ZRANB3: variants seen among roughly 807,000 people sequenced by gnomAD.
ZRANB3 encodes zinc finger RANBP2-type containing 3.
In ZRANB3, 125 loss-of-function variants were observed where a neutral mutation model predicts 133.8. The observed-to-expected ratio is 0.93, with a 90% CI of 0.81 to 1.08. ZRANB3 has a LOEUF of 1.08. Among genes scored for constraint, ZRANB3 ranks in the 50% least tolerant of loss-of-function variants. The pLI is 0.00. For synonymous variants in ZRANB3, 387 were observed against 432.7 expected, an observed-to-expected ratio of 0.89 and a Z score of 1.31; for missense variants, 1,229 against 1,275.5, an observed-to-expected ratio of 0.96 and a Z score of 0.56.
rs566016249 is a variant in ZRANB3, at chr2:135,230,985, C to T, written c.1540-58G>A. 94 of 1,446,796 alleles carry T rather than the reference C, an allele frequency of 6.5e-5. No homozygotes were observed. In the East Asian group the frequency reaches 1.4e-3, roughly 21 times the overall value. The allele number at this position is 1,446,796 out of a possible 1,614,324, so 89.6% of individuals were successfully genotyped here. On this transcript the variant is annotated intron_variant, in intron 12 of 20. Coordinates refer to ENST00000264159, the MANE Select transcript of ZRANB3 (RefSeq NM_032143.4). ...GAAGCAATCTAATATGTTCTTCTTA[C>T]ATAAAAGAGCTTAACAAAATATTTT...
chr2:135,463,096 AGT>A (rs1210711087), intron 2 of ZRANB3, among the ~76,000 whole-genome samples: 1 of 152,176 alleles, frequency 6.6e-6, no homozygotes, highest in Non-Finnish European at 1.5e-5. Flanking sequence ...AGGAGGCTGA[AGT>A]GGGAGGACAG....
chr2:135,389,171 C>T (rs1405416034), intron 3 of ZRANB3, among the ~76,000 whole-genome samples: 2 of 152,168 alleles, frequency 1.3e-5, no homozygotes, highest in African/African-American at 4.8e-5. Context: ...TTTATTGTTT[C>T]CCAAATGTCT....
chr2:135,297,643 A>T (rs561689758), intron 8 of ZRANB3, among the ~76,000 whole-genome samples: 1 of 152,378 alleles, frequency 6.6e-6, no homozygotes, highest in African/African-American at 2.4e-5. Flanking sequence ...TTGGAAATGC[A>T]GAAATCACCC....
chr2:135,334,749 G>C (rs1391062931), intron 6 of ZRANB3, among the ~76,000 whole-genome samples: 1 of 138,728 alleles, frequency 7.2e-6, no homozygotes, highest in South Asian at 2.4e-4. Context: ...CAAAAATTTA[G>C]CCAGGCATGG....
At chr2:135,243,500 C>T (rs1283790791) in intron 12 of ZRANB3, among the ~76,000 whole-genome samples, 1 of 152,062 alleles carries the variant, frequency 6.6e-6, no homozygotes, top group Non-Finnish European at 1.5e-5. Flanking sequence ...GAGACTCCTT[C>T]TAAAAAAAAT....
chr2:135,286,274 T>A (rs1169429152), intron 8 of ZRANB3, among the ~76,000 whole-genome samples: 1 of 152,144 alleles, frequency 6.6e-6, no homozygotes. Flanking sequence ...TTCTTACGCC[T>A]TTCCATTTTC....
At chr2:135,493,105 ATATATATATATATATATATAT>A (rs1692469544) in intron 2 of ZRANB3, among the ~76,000 whole-genome samples, 1 of 754 alleles carries the variant, frequency 1.3e-3, no homozygotes, top group Non-Finnish European at 4.3e-3. Context: ...CCAAATATAT[ATATATATATATATATATATAT>A]ATATATATAT....
At chr2:135,332,656 T>C (rs750970975) in intron 6 of ZRANB3, among the ~76,000 whole-genome samples, 2 of 152,154 alleles carry the variant, frequency 1.3e-5, no homozygotes, top group African/African-American at 2.4e-5. Flanking sequence ...ACTATCCCTA[T>C]GGTTACAACC....
chr2:135,322,315 T>C (rs1683567894), intron 6 of ZRANB3, among the ~76,000 whole-genome samples: 1 of 152,326 alleles, frequency 6.6e-6, no homozygotes, highest in African/African-American at 2.4e-5. Context: ...AAAGGAACTT[T>C]GTCTTTGCAT....
chr2:135,291,283 A>G (rs998082691), intron 8 of ZRANB3, among the ~76,000 whole-genome samples: 12 of 152,070 alleles, frequency 7.9e-5, no homozygotes, highest in African/African-American at 2.4e-4. Context: ...TCTAGATTCA[A>G]GCGATTCTCC....
rs201847967 is a variant in ZRANB3, at chr2:135,353,477, T to C, written c.332A>G (p.Asn111Ser). 125 of 1,600,692 alleles carry C rather than the reference T, an allele frequency of 7.8e-5. No individual in the cohort carries two copies. Among genetic ancestry groups the C allele is most frequent in the South Asian group, 7.4e-4 (65 of 88,236 alleles). The change falls in exon 4 of 21, where the codon AAT becomes AGT. Residue 111 changes from asparagine (N) to serine (S), a missense_variant. Transcript: ENST00000264159. ...AACATCAGTTTTATTCTGAATAACA[T>C]TGATTTCTTCTGGACTTAGCTCTGG... is the stretch of plus-strand genomic sequence containing the variant. ...WIPELSPEEI[N>S]VIQNKTDVRR...
chr2:135,220,858 A>AT (rs1188098230), intron 15 of ZRANB3, among the ~76,000 whole-genome samples: 199 of 140,670 alleles, frequency 1.4e-3, no homozygotes, highest in South Asian at 4.7e-3. Flanking sequence ...CTAGGAATTT[A>AT]TTTTTTTTTT....
At chr2:135,207,964 A>C in intron 18 of ZRANB3, 128 bp from the exon 19 acceptor site, 1 of 937,586 alleles carries the variant, frequency 1.1e-6, no homozygotes. Flanking sequence ...TGTAGAAATA[A>C]AATAGTTACA....
intron 2 of ZRANB3, among the ~76,000 whole-genome samples, chr2:135,459,218 G>A (rs535851190): frequency 3.3e-5 from 5 of 152,210 alleles, no homozygotes; most frequent in African/African-American, 1.2e-4. Flanking sequence ...ATAATCATTC[G>A]ACTTTGTCAA....
At chr2:135,459,239 C>T (rs1340511845) in intron 2 of ZRANB3, among the ~76,000 whole-genome samples, 3 of 152,088 alleles carry the variant, frequency 2.0e-5, no homozygotes, top group Non-Finnish European at 4.4e-5. Flanking sequence ...TTCTTTCTGC[C>T]TCATTCTTCT....
intron 2 of ZRANB3, among the ~76,000 whole-genome samples, chr2:135,395,442 C>CTT (rs533900626): frequency 0.08 from 10,887 of 135,874 alleles, 912 homozygotes; most frequent in African/African-American, 0.21. Flanking sequence ...GCAAAGATTT[C>CTT]TTTTTTTTTT....
chr2:135,524,116 C>T (rs553052096), intron 1 of ZRANB3, among the ~76,000 whole-genome samples: 4 of 151,196 alleles, frequency 2.6e-5, no homozygotes, highest in Admixed American at 1.3e-4. Flanking sequence ...GAAAGAGTTT[C>T]GCTCTTGTTG....
chr2:135,322,327 T>A (rs1683568841), intron 6 of ZRANB3, among the ~76,000 whole-genome samples: 1 of 152,222 alleles, frequency 6.6e-6, no homozygotes, highest in Non-Finnish European at 1.5e-5. Flanking sequence ...TCTTTGCATA[T>A]AAATTTTAGA....
chr2:135,397,758 C>T (rs1687556893), intron 2 of ZRANB3, among the ~76,000 whole-genome samples: 1 of 152,168 alleles, frequency 6.6e-6, no homozygotes, highest in African/African-American at 2.4e-5. Flanking sequence ...CTGCTACACT[C>T]TGGAAATGTC....
Sources: gnomAD v4.1 joint callset for allele counts (sites outside exome capture counted in the v4.1 genomes callset) on GRCh38, gnomAD v4.1.1 for gene constraint, MANE v1.5 for transcripts, NCBI Gene and HGNC (gene_info 2026-07-23, HGNC 2026-07-21) for gene names.